The following WDR49 variants were observed in gnomAD, a reference collection of about 807,000 sequenced individuals.
WDR49 encodes WD repeat domain 49, also known as cilia- and flagella-associated protein 337.
A neutral mutation model predicts 119.5 loss-of-function variants in WDR49; 107 were observed. The observed-to-expected ratio is 0.90, with a 90% CI of 0.77 to 1.05. WDR49 has a LOEUF of 1.05. Ranked by LOEUF, WDR49 falls within the 50% of genes least tolerant of loss-of-function variation. The pLI is 0.00. For synonymous variants in WDR49, 425 were observed against 418.8 expected (o/e 1.01, Z -0.18); for missense variants, 1,240 against 1,220.5 (o/e 1.02, Z -0.24).
intron 7 of WDR49, among the ~76,000 whole-genome samples, chr3:167,600,051 A>AG (rs753989130): frequency 1.3e-5 from 2 of 152,016 alleles, no homozygotes; most frequent in Non-Finnish European, 2.9e-5. Flanking sequence ...AGGGCCTGGA[A>AG]GGGGGGCACC....
intron 6 of WDR49, among the ~76,000 whole-genome samples, chr3:167,603,983 T>C (rs979506215): frequency 1.3e-5 from 2 of 152,036 alleles, no homozygotes; most frequent in African/African-American, 4.8e-5. Flanking sequence ...TTGGTGGTGT[T>C]AGGAAGATGG....
At chr3:167,602,076 T>C in intron 7 of WDR49, 51 bp downstream of exon 7, 1 of 1,529,306 alleles carries the variant, frequency 6.5e-7, no homozygotes, top group Non-Finnish European at 8.9e-7. Context: ...TTGATTTGGG[T>C]AGGAATCGGG....
Position 167,527,854 on chromosome 3 carries a change from C to T in WDR49, c.2570G>A (p.Gly857Asp), listed in dbSNP as rs1234746734. The T allele has an allele frequency of 6.2e-7, 1 of 1,612,978 alleles. No individual in the cohort carries two copies. Among genetic ancestry groups the T allele is most frequent in the South Asian group, 1.1e-5 (1 of 91,024 alleles). ...GATCCAAACAGGAGCATTGCAGACA[C>T]CAGTCACACAAATACTGCAGTCTGC... is the stretch of plus-strand genomic sequence containing the variant. The part of the protein sequence containing the change: ...SSADCSICVT[G>D]VCNAPVWIFG... The change falls in exon 15 of 19, where the codon GGT becomes GAT. Residue 857 changes from glycine to aspartate, a missense_variant. Coordinates refer to ENST00000682715, the MANE Select transcript of WDR49 (RefSeq NM_001366157.1).
At chr3:167,576,630 T>C (rs1037208499) in intron 7 of WDR49, among the ~76,000 whole-genome samples, 1 of 152,062 alleles carries the variant, frequency 6.6e-6, no homozygotes, top group Non-Finnish European at 1.5e-5. Flanking sequence ...AGTGGTGCAA[T>C]ATGAGGACTC....
chr3:167,536,907 C>T lies in WDR49; in HGVS notation c.1917G>A (p.Leu639=). The T allele has an allele frequency of 6.5e-7, 1 of 1,545,642 alleles. No individual in the cohort carries two copies. The highest frequency in any genetic ancestry group is 8.7e-7 in the Non-Finnish European group (1 of 1,146,948). The part of the protein sequence containing the change: ...KGGIQHHDDI[L]CAAFLPPQTL... The stretch of plus-strand genomic sequence containing the variant: ...TTTGTGGAGGTAAAAACGCAGCACA[C>T]AAGATGTCATCATGGTGCTGTATAC... Residue 639 remains leucine (L), a synonymous_variant, in exon 11 of 19, where the codon TTG becomes TTA. Coordinates refer to ENST00000682715, the MANE Select transcript of WDR49 (RefSeq NM_001366157.1).
chr3:167,527,820 C>A lies in WDR49; in HGVS notation c.2604G>T (p.Gln868His). 2 of 1,611,538 alleles carry A rather than the reference C, an allele frequency of 1.2e-6. No individual in the cohort carries two copies. Among genetic ancestry groups the A allele is most frequent in the Non-Finnish European group, 1.7e-6 (2 of 1,178,890 alleles). Reference protein sequence around the residue: ...VCNAPVWIFGQAKHWHIENCL... With the variant: ...VCNAPVWIFGHAKHWHIENCL... ...AATAATAAAGAAGCAATATTTCTAC[C>A]TGACCAAAGATCCAAACAGGAGCAT... Residue 868 changes from glutamine (Q) to histidine (H), a missense_variant and splice_region_variant, in exon 15 of 19, where the codon CAG (glutamine) becomes CAT (histidine). By Grantham distance (24) the Gln-to-His change is conservative (BLOSUM62 0). Coordinates refer to ENST00000682715, the MANE Select transcript of WDR49 (RefSeq NM_001366157.1).
chr3:167,656,151 G>A (rs892571699), upstream of WDR49, among the ~76,000 whole-genome samples: 1 of 151,728 alleles, frequency 6.6e-6, no homozygotes, highest in Non-Finnish European at 1.5e-5. Flanking sequence ...TATATGTATT[G>A]ATATGTATCA....
At chr3:167,606,844 A>G (rs1196157877) in intron 5 of WDR49, among the ~76,000 whole-genome samples, 1 of 152,218 alleles carries the variant, frequency 6.6e-6, no homozygotes, top group African/African-American at 2.4e-5. Flanking sequence ...CCCTATAACC[A>G]AAGACAGGTT....
At chr3:167,526,800 C>T (rs1336709671) in intron 15 of WDR49, among the ~76,000 whole-genome samples, 2 of 152,126 alleles carry the variant, frequency 1.3e-5, no homozygotes, top group African/African-American at 4.8e-5. Context: ...AATACAGCAA[C>T]AACAAACCTT....
At chr3:167,554,096 C>T (rs79703027) in intron 10 of WDR49, among the ~76,000 whole-genome samples, 5,877 of 151,718 alleles carry the variant, frequency 0.039, 193 homozygotes, top group Non-Finnish European at 0.058. Context: ...TACAGTGCCA[C>T]AGAACTGTTT....
intron 2 of WDR49, among the ~76,000 whole-genome samples, chr3:167,648,104 C>T (rs1718210172): frequency 6.6e-6 from 1 of 152,178 alleles, no homozygotes; most frequent in African/African-American, 2.4e-5. Flanking sequence ...CCTCTGAGTT[C>T]TGGCTCTGCC....
chr3:167,505,681 T>C (rs920635234), intron 16 of WDR49, among the ~76,000 whole-genome samples: 1 of 152,118 alleles, frequency 6.6e-6, no homozygotes, highest in African/African-American at 2.4e-5. Flanking sequence ...AGCAACAAGG[T>C]TAGAGAAAAA....
chr3:167,522,391 A>AAAAT lies in WDR49; in HGVS notation c.2694_2697dup (p.Ser900IlefsTer3). Reference sequence around the variant, plus strand: ...GGGTCTAAACAAGATTCCTCCTTAGAAAATAAAGAAATTTCCTTTTGAATC... The same window carrying AAAAT: ...GGGTCTAAACAAGATTCCTCCTTAGAAAATAAATAAAGAAATTTCCTTTTGAATC... On this transcript the variant is annotated frameshift_variant, in exon 16 of 19. Transcript: ENST00000682715. LOFTEE classifies it high-confidence loss of function. 1 of 1,611,168 alleles carries AAAAT rather than the reference A, an allele frequency of 6.2e-7. No homozygotes were observed. The highest frequency in any genetic ancestry group is 8.5e-7 in the Non-Finnish European group (1 of 1,179,182).
Position 167,631,467 on chromosome 3 carries a change from T to C in WDR49, c.166-4175A>G, listed in dbSNP as rs1440933840. Among the ~76,000 whole-genome samples the C allele has an allele frequency of 2.6e-5, 4 of 152,138 alleles. 1 individual carries two copies. Among genetic ancestry groups the C allele is most frequent in the Admixed American group, 1.3e-4 (2 of 15,262 alleles). ...CTCTGCACATGTCTGAGAAGGACCA[T>C]TGAAGTGCCACGAGTATTGATTTGG... On this transcript the variant is annotated intron_variant, in intron 2 of 18. Transcript: ENST00000682715.
At chr3:167,539,000 C>G (rs1053870324) in intron 10 of WDR49, among the ~76,000 whole-genome samples, 1 of 152,126 alleles carries the variant, frequency 6.6e-6, no homozygotes, top group Non-Finnish European at 1.5e-5. Flanking sequence ...TTATTTCCCT[C>G]TATTCTTCTA....
chr3:167,552,520 G>A (rs1712635871), intron 10 of WDR49, among the ~76,000 whole-genome samples: 1 of 151,958 alleles, frequency 6.6e-6, no homozygotes, highest in Non-Finnish European at 1.5e-5. Flanking sequence ...TGGATGACTG[G>A]GTCTCTGGCA....
intron 5 of WDR49, among the ~76,000 whole-genome samples, chr3:167,609,680 G>A (rs1355798053): frequency 6.6e-6 from 1 of 152,182 alleles, no homozygotes; most frequent in East Asian, 1.9e-4. Context: ...AATGGACTGA[G>A]GGGGCACACG....
At position 167,653,309 on chromosome 3, in the gene WDR49, T is replaced by C. The variant is rs1718478469; in HGVS notation, c.117A>G (p.Glu39=). 14 of 1,536,192 alleles carry C rather than the reference T, an allele frequency of 9.1e-6. No homozygotes were observed. In the East Asian group the frequency reaches 3.4e-4, roughly 38 times the overall value. ...AFEDYGTGLL[E]NQLSVGDFVK... is the part of the protein sequence containing the mutation. ...CAAAGTCACCCACGCTGAGTTGGTT[T>C]TCAAGCAGGCCTGTGCCATAGTCTT... Residue 39 remains glutamate, a synonymous_variant, in exon 2 of 19, where the codon GAA becomes GAG. Transcript: ENST00000682715.
intron 8 of WDR49, among the ~76,000 whole-genome samples, chr3:167,572,579 A>G (rs554790755): frequency 6.6e-6 from 1 of 152,374 alleles, no homozygotes; most frequent in African/African-American, 2.4e-5. Context: ...AAAAATGGCA[A>G]TAATTTATTA....
Sources: allele counts gnomAD v4.1 joint callset (sites outside exome capture counted in the v4.1 genomes callset), GRCh38; gene constraint gnomAD v4.1.1; transcripts MANE v1.5; gene names NCBI Gene and HGNC (gene_info 2026-07-23, HGNC 2026-07-21).